Variants in PAAF1 observed in about 807,000 individuals in gnomAD.
PAAF1 encodes the protein proteasomal ATPase-associated factor 1.
Under a neutral mutation model 52.8 loss-of-function variants are expected in PAAF1, and 46 were observed. The observed-to-expected ratio is 0.87, with a 90% CI of 0.69 to 1.11. The LOEUF is 1.11. Ranked by LOEUF, PAAF1 falls within the 50% of genes most tolerant of loss-of-function variation. The pLI, the probability that PAAF1 is intolerant of heterozygous loss-of-function variation, is 0.00. For synonymous variants in PAAF1, 178 were observed against 172.8 expected, an observed-to-expected ratio of 1.03 and a Z score of -0.24; for missense variants, 424 against 477.4, an observed-to-expected ratio of 0.89 and a Z score of 1.04.
intron 8 of PAAF1, among the ~76,000 whole-genome samples, chr11:73,915,210 CCT>C (rs1222138460): frequency 6.6e-6 from 1 of 152,030 alleles, no homozygotes; most frequent in Non-Finnish European, 1.5e-5. Flanking sequence ...AGTCACTTTC[CCT>C]CTCTGGACCT....
intron 6 of PAAF1, among the ~76,000 whole-genome samples, chr11:73,906,324 C>T (rs192979061): frequency 7.2e-4 from 110 of 152,294 alleles, no homozygotes; most frequent in Non-Finnish European, 1.4e-3. Context: ...GCAATCTCCG[C>T]TCACTTCAAC....
chr11:73,902,636 T>TC (rs1316604489), intron 6 of PAAF1, among the ~76,000 whole-genome samples: 11 of 148,154 alleles, frequency 7.4e-5, no homozygotes, highest in Admixed American at 4.7e-4. Context: ...ATTCCTTAAT[T>TC]CTCCCTAAGA....
At chr11:73,894,152 A>T (rs571806092) in intron 4 of PAAF1, among the ~76,000 whole-genome samples, 1 of 152,198 alleles carries the variant, frequency 6.6e-6, no homozygotes, top group African/African-American at 2.4e-5. Flanking sequence ...GGAGAAGGCA[A>T]TTCACCTCTT....
At chr11:73,878,744 G>T in intron 1 of PAAF1, 35 bp from the exon 2 acceptor site, 1 of 1,604,140 alleles carries the variant, frequency 6.2e-7, no homozygotes, top group Non-Finnish European at 8.5e-7. Flanking sequence ...TTCAACTTTG[G>T]GTAAGCCTAA....
At position 73,929,729 on chromosome 11, in the gene PAAF1, G is replaced by A. The variant is rs1432959155; in HGVS notation, c.*2367G>A. On this transcript the variant is annotated 3_prime_UTR_variant, in exon 12 of 12. Coordinates refer to ENST00000310571, the MANE Select transcript of PAAF1 (RefSeq NM_025155.3). ...AACTTAGAAACATTAAATCCTAGGAGCTCCAGGTGGAACATCTAAGAAGTC... is the reference window on the plus strand; with the variant it reads ...AACTTAGAAACATTAAATCCTAGGAACTCCAGGTGGAACATCTAAGAAGTC... The A allele has an allele frequency of 6.6e-6, 1 of 152,252 alleles. No homozygotes were observed. Among genetic ancestry groups the A allele is most frequent in the Non-Finnish European group, 1.5e-5 (1 of 68,078 alleles). 9.4% of individuals were successfully genotyped at this position (152,252 alleles called of 1,614,324 possible).
chr11:73,919,879 G>A (rs1210054367), intron 10 of PAAF1, among the ~76,000 whole-genome samples: 1 of 152,156 alleles, frequency 6.6e-6, no homozygotes, highest in African/African-American at 2.4e-5. Flanking sequence ...AAACAGTTAG[G>A]AAAGGATACT....
intron 2 of PAAF1, among the ~76,000 whole-genome samples, chr11:73,883,724 T>C (rs1249115534): frequency 3.3e-5 from 5 of 152,130 alleles, no homozygotes; most frequent in African/African-American, 7.2e-5. Context: ...TTTCGACATG[T>C]TGGCCAGGCT....
intron 4 of PAAF1, among the ~76,000 whole-genome samples, chr11:73,894,273 C>A (rs957776061): frequency 6.6e-6 from 1 of 151,876 alleles, no homozygotes; most frequent in East Asian, 1.9e-4. Context: ...GAGTCCAAGG[C>A]AGGAGGATCA....
chr11:73,910,765 C>T (rs1019508700), intron 7 of PAAF1, among the ~76,000 whole-genome samples: 3 of 151,900 alleles, frequency 2.0e-5, no homozygotes, highest in Non-Finnish European at 4.4e-5. Context: ...CCGAGGCGGG[C>T]GATTCACAAG....
chr11:73,881,283 A>G (rs1948899574), intron 2 of PAAF1, among the ~76,000 whole-genome samples: 1 of 152,114 alleles, frequency 6.6e-6, no homozygotes. Flanking sequence ...TTGCCGATAC[A>G]TACTATTAAA....
chr11:73,900,206 G>T (rs1949557201), intron 5 of PAAF1, 64 bp from the exon 6 acceptor site: 1 of 1,511,554 alleles, frequency 6.6e-7, no homozygotes, highest in East Asian at 2.3e-5. Context: ...CAGAGTATGG[G>T]AGGTAAGAGA....
In PAAF1 at chr11:73,899,252, A is replaced by G. The variant is rs1262344124; in HGVS notation, c.381+8A>G. The G allele has an allele frequency of 3.1e-6, 5 of 1,609,536 alleles. No individual in the cohort carries two copies. The highest frequency in any genetic ancestry group is 4.3e-6 in the Non-Finnish European group (5 of 1,176,210). On this transcript the variant is annotated splice_region_variant and intron_variant, in intron 5 of 11. Coordinates refer to ENST00000310571, the MANE Select transcript of PAAF1 (RefSeq NM_025155.3). ...TCCAATGGAGAACTCAGGGTAAAGGATTTGGATGTACTTTTAGGTCTTAAA... is the reference window on the plus strand; with the variant it reads ...TCCAATGGAGAACTCAGGGTAAAGGGTTTGGATGTACTTTTAGGTCTTAAA...
Position 73,901,086 on chromosome 11 carries a change from T to TAG in PAAF1, c.532+677_532+678dup, listed in dbSNP as rs3076363. Among the ~76,000 whole-genome samples the TAG allele has an allele frequency of 1.1e-3, 140 of 133,002 alleles. 2 individuals are homozygous for TAG. The highest frequency in any genetic ancestry group is 3.7e-3 in the African/African-American group (132 of 35,560). The allele number at this position is 133,002 out of a possible 152,430, so 87.3% of individuals were successfully genotyped here. On this transcript the variant is annotated intron_variant, in intron 6 of 11. Coordinates refer to ENST00000310571, the MANE Select transcript of PAAF1 (RefSeq NM_025155.3). Reference sequence around the variant, plus strand: ...AATCGTATACTTGTGTGCTGGGAAATAGAGAGAGAGAGTGAGAGAAAAGGA... The same window carrying TAG: ...AATCGTATACTTGTGTGCTGGGAAATAGAGAGAGAGAGAGTGAGAGAAAAGGA...
At chr11:73,905,809 C>T (rs934542753) in intron 6 of PAAF1, among the ~76,000 whole-genome samples, 2 of 152,158 alleles carry the variant, frequency 1.3e-5, no homozygotes, top group African/African-American at 4.8e-5. Flanking sequence ...AGCATCCCTG[C>T]CTTGAATACA....
intron 8 of PAAF1, among the ~76,000 whole-genome samples, chr11:73,914,721 CAG>C (rs1491006380): frequency 1.6e-5 from 2 of 128,582 alleles, no homozygotes; most frequent in African/African-American, 3.0e-5. Flanking sequence ...TTTTTGGAGA[CAG>C]AGTCTCACTC....
chr11:73,912,008 T>C (rs542640786), intron 7 of PAAF1, among the ~76,000 whole-genome samples: 1 of 152,148 alleles, frequency 6.6e-6, no homozygotes, highest in Non-Finnish European at 1.5e-5. Flanking sequence ...GTATTTCACA[T>C]AGTAAACCCT....
chr11:73,882,411 CTGTG>C (rs1948939417), intron 2 of PAAF1, among the ~76,000 whole-genome samples: 1 of 145,422 alleles, frequency 6.9e-6, no homozygotes, highest in Non-Finnish European at 1.5e-5. Context: ...GTTTTTGTTT[CTGTG>C]TGTGTTTATT....
chr11:73,876,881 A>G, upstream of PAAF1: 1 of 826,552 alleles, frequency 1.2e-6, no homozygotes, highest in Non-Finnish European at 1.8e-6. Flanking sequence ...GTGCACACGG[A>G]AGGGGCGGGG....
At chr11:73,902,863 A>G (rs1312773553) in intron 6 of PAAF1, among the ~76,000 whole-genome samples, 1 of 151,150 alleles carries the variant, frequency 6.6e-6, no homozygotes, top group African/African-American at 2.4e-5. Flanking sequence ...TGCCCGGCTA[A>G]TTTTTTTTTG....
Sources: allele counts gnomAD v4.1 joint callset (sites outside exome capture counted in the v4.1 genomes callset), GRCh38; gene constraint gnomAD v4.1.1; transcripts MANE v1.5; gene names NCBI Gene and HGNC (gene_info 2026-07-23, HGNC 2026-07-21).